The following CTNNA3 variants were observed in gnomAD, a reference collection of about 807,000 sequenced individuals.
CTNNA3 encodes catenin alpha-3.
CTNNA3 carries 76 observed loss-of-function variants against 95.7 expected under a neutral mutation model. The observed-to-expected ratio is 0.79, with a 90% CI of 0.66 to 0.96. The LOEUF is 0.96. CTNNA3 is among the 40% of genes least tolerant of loss of function. The pLI is 0.00. For missense variants in CTNNA3, 1,191 were observed against 1,089.8 expected (o/e 1.09, Z -1.31); for synonymous variants, 431 against 374.4 (o/e 1.15, Z -1.74).
chr10:66,366,658 G>T (rs4630185), intron 12 of CTNNA3, among the ~76,000 whole-genome samples: 2 of 152,028 alleles, frequency 1.3e-5, no homozygotes, highest in African/African-American at 4.8e-5. Context: ...CCAGAACTGT[G>T]AGCAATAAAT....
chr10:66,648,860 A>G (rs1416900072), intron 9 of CTNNA3, among the ~76,000 whole-genome samples: 1 of 152,212 alleles, frequency 6.6e-6, no homozygotes, highest in Non-Finnish European at 1.5e-5. Flanking sequence ...ATTCAGGAGA[A>G]AAATCATTAC....
chr10:67,580,759 G>A (rs1842363888), intron 3 of CTNNA3, among the ~76,000 whole-genome samples: 1 of 152,084 alleles, frequency 6.6e-6, no homozygotes, highest in African/African-American at 2.4e-5. Context: ...AGTTCTCCTT[G>A]AAGAGATCCT....
chr10:66,349,553 G>A (rs116367241), intron 12 of CTNNA3, among the ~76,000 whole-genome samples: 1 of 152,162 alleles, frequency 6.6e-6, no homozygotes, highest in African/African-American at 2.4e-5. Context: ...GAAAAAGCAG[G>A]TTATTCTTTC....
At chr10:67,690,856 GCCTCTC>G (rs139964692) in intron 1 of CTNNA3, among the ~76,000 whole-genome samples, 14 of 151,450 alleles carry the variant, frequency 9.2e-5, no homozygotes, top group South Asian at 8.3e-4. Context: ...TCTTGCTACA[GCCTCTC>G]CCTCTCCCTC....
chr10:67,504,458 A>AAAC (rs1839369284), intron 5 of CTNNA3, among the ~76,000 whole-genome samples: 1 of 150,676 alleles, frequency 6.6e-6, no homozygotes, highest in Non-Finnish European at 1.5e-5. Flanking sequence ...AAAAAAAAAA[A>AAAC]AACAGAGTAA....
chr10:66,862,387 A>C (rs1843974785), intron 7 of CTNNA3, among the ~76,000 whole-genome samples: 3 of 152,194 alleles, frequency 2.0e-5, no homozygotes, highest in Admixed American at 2.0e-4. Flanking sequence ...GTGAGGATTT[A>C]CTGTATGTCA....
intron 15 of CTNNA3, among the ~76,000 whole-genome samples, chr10:66,064,938 A>G (rs1428991115): frequency 6.6e-6 from 1 of 152,206 alleles, no homozygotes; most frequent in African/African-American, 2.4e-5. Context: ...GCATATATAC[A>G]CATGCTGTTA....
intron 9 of CTNNA3, among the ~76,000 whole-genome samples, chr10:66,699,288 C>T (rs1270082060): frequency 6.6e-6 from 1 of 152,122 alleles, no homozygotes; most frequent in Non-Finnish European, 1.5e-5. Context: ...TTTGAGGAAG[C>T]TCCATACATT....
intron 17 of CTNNA3, among the ~76,000 whole-genome samples, chr10:65,947,443 A>C (rs1055821141): frequency 6.6e-6 from 1 of 152,216 alleles, no homozygotes; most frequent in Admixed American, 6.5e-5. Flanking sequence ...TAATAATAAT[A>C]ATCACAAATA....
chr10:67,245,979 C>A (rs2132344001), intron 5 of CTNNA3, among the ~76,000 whole-genome samples: 1 of 151,856 alleles, frequency 6.6e-6, no homozygotes, highest in East Asian at 1.9e-4. Flanking sequence ...AATATTAGAA[C>A]ATTCACCTGC....
At chr10:67,707,522 T>C (rs1173191845) in intron 1 of CTNNA3, among the ~76,000 whole-genome samples, 3 of 152,136 alleles carry the variant, frequency 2.0e-5, no homozygotes, top group Non-Finnish European at 1.5e-5. Flanking sequence ...CACCTTCTCA[T>C]AGAGGTCTTT....
chr10:66,834,049 C>A (rs1190001771), intron 7 of CTNNA3, among the ~76,000 whole-genome samples: 2 of 152,128 alleles, frequency 1.3e-5, no homozygotes, highest in South Asian at 2.1e-4. Context: ...CATGTTCTTT[C>A]AATGACACAC....
intron 2 of CTNNA3, among the ~76,000 whole-genome samples, chr10:67,613,303 G>A (rs1006193866): frequency 6.6e-5 from 10 of 151,804 alleles, no homozygotes; most frequent in Admixed American, 2.6e-4. Context: ...GACAGGGGCC[G>A]TGCTTGACTC....
intron 5 of CTNNA3, chr10:67,334,235 A>C (rs1904628): frequency 0.026 from 4,009 of 156,722 alleles, 168 homozygotes; most frequent in African/African-American, 0.088. Flanking sequence ...GAATTTTGGC[A>C]TTGGACAGCA....
At chr10:66,906,985 T>A (rs1846013996) in intron 7 of CTNNA3, among the ~76,000 whole-genome samples, 1 of 152,146 alleles carries the variant, frequency 6.6e-6, no homozygotes. Context: ...CATAACATAA[T>A]GCTAAACAAT....
chr10:67,353,672 G>A (rs1564589653), intron 5 of CTNNA3, among the ~76,000 whole-genome samples: 1 of 151,922 alleles, frequency 6.6e-6, no homozygotes, highest in Non-Finnish European at 1.5e-5. Context: ...ATGATGATGG[G>A]ATAAGCTTTA....
chr10:66,840,749 C>T (rs561684070), intron 7 of CTNNA3, among the ~76,000 whole-genome samples: 137 of 152,106 alleles, frequency 9.0e-4, no homozygotes, highest in Non-Finnish European at 1.7e-3. Context: ...ACTTAAGATA[C>T]ATCTTCAATT....
intron 10 of CTNNA3, among the ~76,000 whole-genome samples, chr10:66,569,910 G>A (rs2132160879): frequency 6.6e-6 from 1 of 152,216 alleles, no homozygotes; most frequent in South Asian, 2.1e-4. Flanking sequence ...AATAATATAG[G>A]TAGATATTTG....
At chr10:67,095,564 G>GCA (rs371792538) in intron 7 of CTNNA3, among the ~76,000 whole-genome samples, 18 of 151,294 alleles carry the variant, frequency 1.2e-4, no homozygotes, top group Middle Eastern at 3.4e-3. Context: ...AATTGTGTGT[G>GCA]CACACACACA....
Sources: allele counts gnomAD v4.1 joint callset (sites outside exome capture counted in the v4.1 genomes callset), GRCh38; gene constraint gnomAD v4.1.1; transcripts MANE v1.5; gene names NCBI Gene and HGNC (gene_info 2026-07-23, HGNC 2026-07-21).